Variants in PBX1 observed in about 807,000 individuals in gnomAD.
The protein encoded by PBX1 is pre-B-cell leukemia transcription factor 1.
PBX1 carries 6 observed loss-of-function variants against 53.4 expected under a neutral mutation model. The ratio of observed to expected loss-of-function variants is 0.11; its 90% CI spans 0.06 to 0.22. The LOEUF is 0.22. Ranked by LOEUF, PBX1 falls within the 10% of genes least tolerant of loss-of-function variation. PBX1 has a pLI of 1.00. For missense variants in PBX1, 251 were observed against 551.4 expected, an observed-to-expected ratio of 0.46 and a Z score of 5.46; for synonymous variants, 204 against 212.3, an observed-to-expected ratio of 0.96 and a Z score of 0.34.
At chr1:164,634,132 T>C (rs1466654987) in intron 2 of PBX1, among the ~76,000 whole-genome samples, 1 of 152,208 alleles carries the variant, frequency 6.6e-6, no homozygotes, top group Admixed American at 6.5e-5. Context: ...ACCTGCACAG[T>C]GTAAGGCTTT....
chr1:164,626,084 G>C (rs781318530), intron 2 of PBX1: 89 of 1,031,394 alleles, frequency 8.6e-5, no homozygotes, highest in Non-Finnish European at 1.0e-4. Flanking sequence ...TTTTGGGTGG[G>C]GAGAAGGCAA....
At chr1:164,670,554 A>C (rs918040951) in intron 2 of PBX1, among the ~76,000 whole-genome samples, 1 of 152,184 alleles carries the variant, frequency 6.6e-6, no homozygotes, top group Admixed American at 6.5e-5. Flanking sequence ...CTCAATAGCC[A>C]GCTGACTGAA....
chr1:164,772,058 T>A (rs12084358), intron 2 of PBX1, among the ~76,000 whole-genome samples: 99,299 of 152,116 alleles, frequency 0.65, 32,913 homozygotes, highest in East Asian at 0.78. Flanking sequence ...CCTTTGTCTG[T>A]TCATCCTTTC....
intron 2 of PBX1, among the ~76,000 whole-genome samples, chr1:164,749,767 G>T (rs191607224): frequency 6.6e-6 from 1 of 152,122 alleles, no homozygotes; most frequent in East Asian, 1.9e-4. Flanking sequence ...TAGGAGAACC[G>T]TGGACCAAGC....
chr1:164,778,553 C>A (rs1667778306), intron 2 of PBX1, among the ~76,000 whole-genome samples: 1 of 151,404 alleles, frequency 6.6e-6, no homozygotes, highest in East Asian at 1.9e-4. Context: ...GGGAGGATTG[C>A]TTGGACGTGG....
Position 164,613,986 on chromosome 1 carries a change from G to A in PBX1, c.265+50675G>A, listed in dbSNP as rs191535064. The stretch of plus-strand genomic sequence containing the variant: ...GCTTTGCTAGTAAAGCAGCACTTGA[G>A]CAGATCAACTCCATCAACTCCCAGG... On this transcript the variant is annotated intron_variant, in intron 2 of 8. Coordinates refer to ENST00000420696, the MANE Select transcript of PBX1 (RefSeq NM_002585.4). 9.9e-5 allele frequency among the ~76,000 whole-genome samples: 15 copies of A among 152,094 alleles called. No homozygotes were observed. In the East Asian group the frequency reaches 2.3e-3, roughly 24 times the overall value.
At chr1:164,693,360 G>A (rs1457689692) in intron 2 of PBX1, among the ~76,000 whole-genome samples, 1 of 152,218 alleles carries the variant, frequency 6.6e-6, no homozygotes, top group African/African-American at 2.4e-5. Context: ...ATACCTGGAA[G>A]GGCCGAAGAA....
chr1:164,868,208 A>T (rs1454872722), intron 2 of PBX1, among the ~76,000 whole-genome samples: 1 of 152,098 alleles, frequency 6.6e-6, no homozygotes, highest in Non-Finnish European at 1.5e-5. Context: ...GCCAGAGGTG[A>T]CTTCTGAGGG....
Position 164,835,239 on chromosome 1 carries a change from G to GT in PBX1, c.1201-11327dup, listed in dbSNP as rs71670294. On this transcript the variant is annotated intron_variant, in intron 8 of 8. Coordinates refer to ENST00000420696, the MANE Select transcript of PBX1 (RefSeq NM_002585.4). Reference sequence around the variant, plus strand: ...AACATTTAAGCTACTTTTGATTTTGGTTTTTTTTTTTTTTTTTTACTATTA... The same window carrying GT: ...AACATTTAAGCTACTTTTGATTTTGGTTTTTTTTTTTTTTTTTTTACTATTA... 4.5e-3 allele frequency among the ~76,000 whole-genome samples: 611 copies of GT among 136,122 alleles called. 3 individuals carry two copies. Among genetic ancestry groups the GT allele is most frequent in the African/African-American group, 0.01 (382 of 36,648 alleles). The allele number at this position is 136,122 out of a possible 152,430, so 89.3% of individuals were successfully genotyped here.
chr1:164,714,504 T>C (rs1663979366), intron 2 of PBX1, among the ~76,000 whole-genome samples: 1 of 151,328 alleles, frequency 6.6e-6, no homozygotes, highest in Non-Finnish European at 1.5e-5. Flanking sequence ...CTTCCTTATA[T>C]CATTATTTTA....
intron 2 of PBX1, among the ~76,000 whole-genome samples, chr1:164,688,121 C>G (rs1480413351): frequency 6.6e-6 from 1 of 152,178 alleles, no homozygotes; most frequent in Non-Finnish European, 1.5e-5. Context: ...TGTCAAGGAC[C>G]ATGCATCTCA....
chr1:164,582,571 T>TGC (rs1403501004), intron 2 of PBX1, among the ~76,000 whole-genome samples: 5 of 151,990 alleles, frequency 3.3e-5, no homozygotes, highest in African/African-American at 1.2e-4. Context: ...TACAGGCACA[T>TGC]GCCACCACAC....
intron 2 of PBX1, among the ~76,000 whole-genome samples, chr1:164,754,899 T>C (rs551030671): frequency 1.3e-3 from 201 of 152,256 alleles, no homozygotes; most frequent in African/African-American, 4.7e-3. Context: ...TTGTAATCAA[T>C]AAAATGTAAA....
intron 2 of PBX1, among the ~76,000 whole-genome samples, chr1:164,643,663 T>C (rs1030074938): frequency 9.2e-5 from 14 of 152,238 alleles, no homozygotes; most frequent in Admixed American, 3.9e-4. Context: ...TGGATACTTA[T>C]GACATGCTGG....
At position 164,738,594 on chromosome 1, in the gene PBX1, A is replaced by G. The variant is rs564913128; in HGVS notation, c.266-53900A>G. On this transcript the variant is annotated intron_variant, in intron 2 of 8. Coordinates refer to ENST00000420696, the MANE Select transcript of PBX1 (RefSeq NM_002585.4). ...CATCCTGCAATATATTTAATTTCAT[A>G]AGAAACAACCACACCATTTTCCACA... Among the ~76,000 whole-genome samples the G allele has an allele frequency of 7.2e-5, 11 of 152,322 alleles. 1 individual carries two copies. The South Asian group carries it at 2.3e-3, about 32-fold the overall frequency.
chr1:164,611,980 T>A (rs1656968081), intron 2 of PBX1, among the ~76,000 whole-genome samples: 1 of 152,126 alleles, frequency 6.6e-6, no homozygotes, highest in African/African-American at 2.4e-5. Context: ...CTTGGCCCAT[T>A]TATAAACCTG....
At chr1:164,867,622 A>C (rs1473583019) in intron 2 of PBX1, among the ~76,000 whole-genome samples, 1 of 152,200 alleles carries the variant, frequency 6.6e-6, no homozygotes, top group African/African-American at 2.4e-5. Context: ...ATTAGCTTGG[A>C]GGGTTCACGA....
intron 2 of PBX1, among the ~76,000 whole-genome samples, chr1:164,609,429 A>G (rs75426406): frequency 1.2e-3 from 177 of 152,258 alleles, no homozygotes; most frequent in African/African-American, 4.2e-3. Flanking sequence ...GCATGGCAGG[A>G]CACGTATAAC....
At chr1:164,672,659 C>A (rs533262650) in intron 2 of PBX1, among the ~76,000 whole-genome samples, 2 of 152,294 alleles carry the variant, frequency 1.3e-5, no homozygotes, top group East Asian at 3.9e-4. Context: ...AAAAGATATT[C>A]ACCTCCTCTA....
Sources: allele counts gnomAD v4.1 joint callset (sites outside exome capture counted in the v4.1 genomes callset), GRCh38; gene constraint gnomAD v4.1.1; transcripts MANE v1.5; gene names NCBI Gene and HGNC (gene_info 2026-07-23, HGNC 2026-07-21).